GNAL: variants seen among roughly 807,000 people sequenced by gnomAD.
GNAL encodes G protein subunit alpha L.
GNAL carries 18 observed loss-of-function variants against 55.1 expected under a neutral mutation model. The ratio of observed to expected loss-of-function variants is 0.33; its 90% CI spans 0.23 to 0.48. GNAL has a LOEUF of 0.48. GNAL is among the 20% of genes least tolerant of loss of function. GNAL has a pLI of 0.99. For synonymous variants in GNAL, 253 were observed against 237.0 expected, an observed-to-expected ratio of 1.07 and a Z score of -0.62; for missense variants, 412 against 614.1, an observed-to-expected ratio of 0.67 and a Z score of 3.48.
chr18:11,778,881 G>C (rs1396053687), intron 4 of GNAL, among the ~76,000 whole-genome samples: 1 of 152,056 alleles, frequency 6.6e-6, no homozygotes, highest in African/African-American at 2.4e-5. Flanking sequence ...CTGTTTCAAG[G>C]GTGAAAATTA....
chr18:11,859,221 C>T (rs372186051), intron 5 of GNAL, among the ~76,000 whole-genome samples: 19 of 152,262 alleles, frequency 1.2e-4, no homozygotes, highest in South Asian at 2.1e-4. Flanking sequence ...TCAAAAGTTG[C>T]GACCATTTCT....
chr18:11,797,501 G>C (rs1250062763), intron 4 of GNAL, among the ~76,000 whole-genome samples: 3 of 152,108 alleles, frequency 2.0e-5, no homozygotes, highest in Admixed American at 2.0e-4. Flanking sequence ...CAGCACTTTG[G>C]GAGGCTGAGA....
intron 5 of GNAL, chr18:11,857,254 T>C (rs1425891028): frequency 6.6e-6 from 1 of 152,634 alleles, no homozygotes; most frequent in East Asian, 1.9e-4. Flanking sequence ...CTCACCAAAT[T>C]GTGAAACAGT....
chr18:11,695,414 AC>A (rs2143293081), intron 1 of GNAL, among the ~76,000 whole-genome samples: 1 of 152,328 alleles, frequency 6.6e-6, no homozygotes, highest in Non-Finnish European at 1.5e-5. Context: ...CTGGGTCTAC[AC>A]CAATTAAAAG....
At chr18:11,792,060 T>C (rs758649345) in intron 4 of GNAL, among the ~76,000 whole-genome samples, 3 of 152,240 alleles carry the variant, frequency 2.0e-5, no homozygotes, top group Admixed American at 6.5e-5. Context: ...CAACCTGTCC[T>C]GAAACTGAGC....
At chr18:11,704,262 T>A (rs1567991843) in intron 1 of GNAL, among the ~76,000 whole-genome samples, 1 of 152,158 alleles carries the variant, frequency 6.6e-6, no homozygotes, top group East Asian at 1.9e-4. Context: ...CACATATGGA[T>A]TATACCCTAG....
At chr18:11,784,195 C>G (rs989594976) in intron 4 of GNAL, among the ~76,000 whole-genome samples, 5 of 152,270 alleles carry the variant, frequency 3.3e-5, no homozygotes, top group African/African-American at 1.2e-4. Context: ...CCAGTGCTGA[C>G]AAGAGCCTGT....
Position 11,821,798 on chromosome 18 carries a change from C to T in GNAL, c.625-3120C>T, listed in dbSNP as rs144136188. ...GAGCCGGGAGGTCCTTGAGCAGGGG[C>T]CCCAGTAAATGCTTCAGAGCTAGAA... On this transcript the variant is annotated intron_variant, in intron 4 of 11. Coordinates refer to ENST00000334049, the MANE Select transcript of GNAL (RefSeq NM_182978.4). Among the ~76,000 whole-genome samples, 644 of 152,262 alleles carry T rather than the reference C, an allele frequency of 4.2e-3. 7 individuals carry two copies. Among genetic ancestry groups the T allele is most frequent in the African/African-American group, 0.014 (598 of 41,556 alleles).
chr18:11,778,338 G>T (rs774004687), intron 4 of GNAL, among the ~76,000 whole-genome samples: 16 of 152,124 alleles, frequency 1.1e-4, no homozygotes, highest in Admixed American at 6.5e-5. Flanking sequence ...GGTTACTTGT[G>T]TGCTAGGTTA....
At chr18:11,845,966 GGGATTTTT>G (rs1233804309) in intron 5 of GNAL, among the ~76,000 whole-genome samples, 20 of 152,140 alleles carry the variant, frequency 1.3e-4, no homozygotes, top group African/African-American at 4.8e-4. Context: ...TCTTGTTTCA[GGGATTTTT>G]TAAGTTAAGC....
intron 11 of GNAL, among the ~76,000 whole-genome samples, chr18:11,877,214 G>T (rs2036551759): frequency 6.6e-6 from 1 of 152,202 alleles, no homozygotes; most frequent in South Asian, 2.1e-4. Flanking sequence ...AGCACTTTGG[G>T]AGGCTGAGGC....
Position 11,864,457 on chromosome 18 carries a change from G to T in GNAL, c.778-76G>T, listed in dbSNP as rs553941049. On this transcript the variant is annotated intron_variant, in intron 6 of 11. Coordinates refer to ENST00000334049, the MANE Select transcript of GNAL (RefSeq NM_182978.4). Reference sequence around the variant, plus strand: ...AAATTATTTGAAAAATATTGATGAGGTATAGTTATACCCGGGCTTTACCTT... The same window carrying T: ...AAATTATTTGAAAAATATTGATGAGTTATAGTTATACCCGGGCTTTACCTT... 6 of 801,668 alleles carry T rather than the reference G, an allele frequency of 7.5e-6. No individual in the cohort carries two copies. In the East Asian group the frequency reaches 1.2e-4, roughly 16 times the overall value. The allele number at this position is 801,668 out of a possible 1,614,324, so 49.7% of individuals were successfully genotyped here.
At chr18:11,861,427 C>T (rs1400735103) in intron 5 of GNAL, among the ~76,000 whole-genome samples, 1 of 152,236 alleles carries the variant, frequency 6.6e-6, no homozygotes, top group African/African-American at 2.4e-5. Context: ...ACAGAGGACA[C>T]TGGTTCATTC....
intron 1 of GNAL, among the ~76,000 whole-genome samples, chr18:11,697,391 A>G (rs140728542): frequency 3.9e-4 from 60 of 152,196 alleles, no homozygotes; most frequent in African/African-American, 1.3e-3. Flanking sequence ...TACAAAAATT[A>G]GCTGGTTACC....
chr18:11,781,024 A>G (rs1470559950), intron 4 of GNAL, among the ~76,000 whole-genome samples: 11 of 152,234 alleles, frequency 7.2e-5, no homozygotes, highest in Non-Finnish European at 1.3e-4. Context: ...GAGAGCCTTG[A>G]CTACAGGATT....
intron 1 of GNAL, among the ~76,000 whole-genome samples, chr18:11,730,790 A>AT (rs1479217126): frequency 6.6e-6 from 1 of 152,122 alleles, no homozygotes; most frequent in Non-Finnish European, 1.5e-5. Flanking sequence ...AAAATAAAAT[A>AT]AAGACTTGAA....
intron 5 of GNAL, among the ~76,000 whole-genome samples, chr18:11,859,326 G>A (rs760646440): frequency 3.3e-5 from 5 of 152,048 alleles, no homozygotes; most frequent in African/African-American, 9.7e-5. Context: ...GTCCCACCCC[G>A]GCAGAAACTT....
At chr18:11,784,116 C>T (rs1005145263) in intron 4 of GNAL, among the ~76,000 whole-genome samples, 3 of 152,214 alleles carry the variant, frequency 2.0e-5, no homozygotes, top group African/African-American at 7.2e-5. Flanking sequence ...GCCTGAGTAC[C>T]GGACACTGCC....
At chr18:11,851,089 G>T (rs1012344549) in intron 5 of GNAL, among the ~76,000 whole-genome samples, 1 of 152,244 alleles carries the variant, frequency 6.6e-6, no homozygotes, top group African/African-American at 2.4e-5. Flanking sequence ...CAAGTTTGGA[G>T]CGTGGGTAAT....
Sources: gnomAD v4.1 joint callset for allele counts (sites outside exome capture counted in the v4.1 genomes callset) on GRCh38, gnomAD v4.1.1 for gene constraint, MANE v1.5 for transcripts, NCBI Gene and HGNC (gene_info 2026-07-23, HGNC 2026-07-21) for gene names.